The following NUDT7 variants were observed in gnomAD, a reference collection of about 807,000 sequenced individuals.
The protein encoded by NUDT7 is peroxisomal coenzyme A diphosphatase NUDT7.
Under a neutral mutation model 13.1 loss-of-function variants are expected in NUDT7, and 19 were observed. The observed-to-expected ratio is 1.45, with a 90% CI of 1.01 to 2.13. NUDT7 has a LOEUF of 2.13. NUDT7 is among the 30% of genes most tolerant of loss of function. The pLI, the probability that NUDT7 is intolerant of heterozygous loss-of-function variation, is 0.00. For synonymous variants in NUDT7, 132 were observed against 109.7 expected, an observed-to-expected ratio of 1.20 and a Z score of -1.27; for missense variants, 360 against 291.7, an observed-to-expected ratio of 1.23 and a Z score of -1.71.
At position 77,725,577 on chromosome 16, in the gene NUDT7, C is replaced by T. The variant is rs368558346; in HGVS notation, c.182C>T (p.Ser61Leu). 2.4e-5 allele frequency: 39 copies of T among 1,613,722 alleles called. No individual in the cohort carries two copies. The highest frequency in any genetic ancestry group is 3.0e-5 in the Non-Finnish European group (35 of 1,179,922). ...GKLHLLFTVR[S>L]EKLRRAPGEV... Reference sequence around the variant, plus strand: ...CTCCATTTGTTGTTCACCGTCCGGTCAGAGAAGGTAGGTGGACAAAAAATT... The same window carrying T: ...CTCCATTTGTTGTTCACCGTCCGGTTAGAGAAGGTAGGTGGACAAAAAATT... Residue 61 changes from serine to leucine, a missense_variant, in exon 2 of 4, where the codon TCA (serine) becomes TTA (leucine). By Grantham distance (145) the Ser-to-Leu change is moderately radical. Coordinates refer to ENST00000268533, the MANE Select transcript of NUDT7 (RefSeq NM_001105663.3).
Position 77,725,456 on chromosome 16 carries a change from G to T in NUDT7, c.61G>T (p.Ala21Ser), listed in dbSNP as rs754765661. The T allele has an allele frequency of 3.7e-6, 6 of 1,612,846 alleles. No individual in the cohort carries two copies. The highest frequency in any genetic ancestry group is 4.5e-5 in the East Asian group (2 of 44,856). The change falls in exon 2 of 4, where the codon GCC becomes TCC. Residue 21 changes from alanine to serine, a missense_variant. Physicochemically the swap from Ala to Ser is moderately conservative, Grantham distance 99 (BLOSUM62 1). Coordinates refer to ENST00000268533, the MANE Select transcript of NUDT7 (RefSeq NM_001105663.3). ...VRNSLLDDAK[A>S]RLRKYDIGGK... ...AAACAGTTTGCTAGATGATGCTAAG[G>T]CCCGCTTAAGAAAGTATGATATTGG...
intron 2 of NUDT7, among the ~76,000 whole-genome samples, chr16:77,726,519 G>A (rs1391255282): frequency 1.3e-5 from 2 of 152,122 alleles, no homozygotes; most frequent in East Asian, 1.9e-4. Context: ...ACCTGAGGCT[G>A]GGTATGGTGG....
chr16:77,722,531 C>T lies in NUDT7; in HGVS notation c.-52C>T. ...CCAGAGCTGCTCTGCGCAAGCGCGACCGACCGAGCAGCTCCGAGGAGTCCG... is the reference window on the plus strand; with the variant it reads ...CCAGAGCTGCTCTGCGCAAGCGCGATCGACCGAGCAGCTCCGAGGAGTCCG... On this transcript the variant is annotated 5_prime_UTR_variant, in exon 1 of 4. Transcript: ENST00000268533. The T allele has an allele frequency of 2.0e-6, 3 of 1,537,032 alleles. No homozygotes were observed. Among genetic ancestry groups the T allele is most frequent in the East Asian group, 2.4e-5 (1 of 41,312 alleles).
At chr16:77,727,330 A>G (rs1216469440) in intron 2 of NUDT7, among the ~76,000 whole-genome samples, 1 of 152,146 alleles carries the variant, frequency 6.6e-6, no homozygotes, top group African/African-American at 2.4e-5. Flanking sequence ...GAATAATGAA[A>G]AGTATTTTGT....
intron 2 of NUDT7, among the ~76,000 whole-genome samples, chr16:77,731,459 G>A (rs1035914404): frequency 6.6e-6 from 1 of 152,140 alleles, no homozygotes; most frequent in Non-Finnish European, 1.5e-5. Context: ...TTACTCACAT[G>A]TTTGTGGTGA....
chr16:77,725,267 G>A (rs945172910), intron 1 of NUDT7, among the ~76,000 whole-genome samples, 164 bp from the exon 2 acceptor site: 2 of 152,056 alleles, frequency 1.3e-5, no homozygotes, highest in East Asian at 1.9e-4. Context: ...GAACAACCAC[G>A]CAATTTAGAT....
intron 3 of NUDT7, among the ~76,000 whole-genome samples, chr16:77,736,965 G>A (rs759926772): frequency 6.6e-5 from 10 of 152,180 alleles, no homozygotes; most frequent in Non-Finnish European, 1.2e-4. Flanking sequence ...AGTACAGAGA[G>A]TTCTTATGTA....
At chr16:77,726,750 T>A (rs907014278) in intron 2 of NUDT7, among the ~76,000 whole-genome samples, 1 of 152,072 alleles carries the variant, frequency 6.6e-6, no homozygotes, top group Non-Finnish European at 1.5e-5. Flanking sequence ...TGAGCCGAGA[T>A]TGTGCCACTG....
Position 77,742,064 on chromosome 16 carries a change from G to T in NUDT7, c.*114G>T, listed in dbSNP as rs1231337434. The T allele has an allele frequency of 6.8e-7, 1 of 1,473,762 alleles. No homozygotes were observed. Among genetic ancestry groups the T allele is most frequent in the Non-Finnish European group, 8.9e-7 (1 of 1,121,496 alleles). The allele number at this position is 1,473,762 out of a possible 1,614,324, so 91.3% of individuals were successfully genotyped here. A position where few individuals can be genotyped will look rare whatever the true frequency, so the allele number is the denominator to read the frequency against. On this transcript the variant is annotated 3_prime_UTR_variant, in exon 4 of 4. Coordinates refer to ENST00000268533, the MANE Select transcript of NUDT7 (RefSeq NM_001105663.3). ...GACAGGTGTGAATATTTTTTCTGCA[G>T]TATGTAGTTAGAATCCTTGCCTCTT...
In NUDT7 at chr16:77,733,497, G is replaced by T. The variant is rs572156871; in HGVS notation, c.190-2331G>T. 1.3e-3 allele frequency among the ~76,000 whole-genome samples: 193 copies of T among 152,322 alleles called. 2 individuals are homozygous for T. The highest frequency in any genetic ancestry group is 4.5e-3 in the African/African-American group (188 of 41,580). On this transcript the variant is annotated intron_variant, in intron 2 of 3. Coordinates refer to ENST00000268533, the MANE Select transcript of NUDT7 (RefSeq NM_001105663.3). ...ACCTCCTAATACCATCACCTTAGGGGTAAGGATTTCAACATATGGATTCAT... is the reference window on the plus strand; with the variant it reads ...ACCTCCTAATACCATCACCTTAGGGTTAAGGATTTCAACATATGGATTCAT...
chr16:77,727,780 C>T (rs1225837236), intron 2 of NUDT7, among the ~76,000 whole-genome samples: 1 of 152,102 alleles, frequency 6.6e-6, no homozygotes, highest in Non-Finnish European at 1.5e-5. Flanking sequence ...TCACTTGAAC[C>T]TGGGAGGTGG....
At chr16:77,739,111 C>T (rs908317156) in intron 3 of NUDT7, among the ~76,000 whole-genome samples, 47 of 152,258 alleles carry the variant, frequency 3.1e-4, no homozygotes, top group African/African-American at 1.0e-3. Flanking sequence ...CTCTTACAAC[C>T]CCAGGGCTTC....
chr16:77,732,306 C>T (rs1422973875), intron 2 of NUDT7, among the ~76,000 whole-genome samples: 3 of 149,358 alleles, frequency 2.0e-5, no homozygotes, highest in East Asian at 2.0e-4. Context: ...CCAGCCTGGT[C>T]GACAGACGAG....
intron 2 of NUDT7, among the ~76,000 whole-genome samples, chr16:77,732,644 A>T (rs8059030): frequency 1.3e-5 from 2 of 152,144 alleles, no homozygotes; most frequent in African/African-American, 4.8e-5. Flanking sequence ...ACAGGTTGTA[A>T]CCCAGAAGCA....
intron 1 of NUDT7, among the ~76,000 whole-genome samples, chr16:77,724,222 GTCT>G (rs2014055924): frequency 6.6e-6 from 1 of 151,912 alleles, no homozygotes; most frequent in African/African-American, 2.4e-5. Context: ...TCTTCACATG[GTCT>G]TCTTCCCTGT....
intron 1 of NUDT7, among the ~76,000 whole-genome samples, chr16:77,724,458 A>T (rs2014063912): frequency 6.7e-6 from 1 of 149,886 alleles, no homozygotes; most frequent in Admixed American, 6.6e-5. Flanking sequence ...TCTTTTGTAG[A>T]GACAGGGTCT....
chr16:77,739,223 A>G (rs1431602701), intron 3 of NUDT7, among the ~76,000 whole-genome samples: 1 of 152,214 alleles, frequency 6.6e-6, no homozygotes, highest in African/African-American at 2.4e-5. Flanking sequence ...AGTTTATTAG[A>G]GAAGTAAAGA....
chr16:77,735,625 G>A, intron 2 of NUDT7: 1 of 608,552 alleles, frequency 1.6e-6, no homozygotes, highest in Non-Finnish European at 2.9e-6. Flanking sequence ...TAGAATAAAA[G>A]TTAGCAGTGA....
At chr16:77,726,263 T>A (rs938061882) in intron 2 of NUDT7, among the ~76,000 whole-genome samples, 2 of 152,196 alleles carry the variant, frequency 1.3e-5, no homozygotes, top group African/African-American at 2.4e-5. Context: ...AAAATATTAG[T>A]AACTGCTTCA....
Sources: allele counts gnomAD v4.1 joint callset (sites outside exome capture counted in the v4.1 genomes callset), GRCh38; gene constraint gnomAD v4.1.1; transcripts MANE v1.5; gene names NCBI Gene and HGNC (gene_info 2026-07-23, HGNC 2026-07-21).